REDIC1: variants seen among roughly 807,000 people sequenced by gnomAD.
The protein encoded by REDIC1 is regulator of DNA class I crossover intermediates 1.
chr12:39,792,691 T>G, the REDIC1 span, among the ~76,000 whole-genome samples: 1 of 152,094 alleles, frequency 6.6e-6, no homozygotes, highest in African/African-American at 2.4e-5. Context: ...AAAAGTCAGA[T>G]ATAGATACCA....
At chr12:39,731,983 C>T in the REDIC1 span, among the ~76,000 whole-genome samples, 31 of 152,214 alleles carry the variant, frequency 2.0e-4, no homozygotes, top group African/African-American at 7.5e-4. Context: ...TGCCAGCTAC[C>T]TGAGAAGCCC....
the REDIC1 span, chr12:39,721,736 TAC>T: frequency 6.6e-6 from 1 of 152,432 alleles, no homozygotes; most frequent in Non-Finnish European, 1.5e-5. Context: ...TCTTTAATAT[TAC>T]AGTCCTATTT....
chr12:39,626,867 G>A, the REDIC1 span, among the ~76,000 whole-genome samples: 53 of 152,280 alleles, frequency 3.5e-4, no homozygotes, highest in Non-Finnish European at 2.9e-4. Flanking sequence ...AAAGTGAACC[G>A]TTTTTACTTG....
At chr12:39,752,193 G>T in the REDIC1 span, among the ~76,000 whole-genome samples, 2 of 152,286 alleles carry the variant, frequency 1.3e-5, no homozygotes, top group Admixed American at 1.3e-4. Context: ...ACGCATATTG[G>T]TTTGTGGCCT....
the REDIC1 span, among the ~76,000 whole-genome samples, chr12:39,664,248 CT>C: frequency 7.0e-6 from 1 of 142,286 alleles, no homozygotes; most frequent in African/African-American, 2.6e-5. Context: ...ACAACAGGCC[CT>C]GGTGTGTGAT....
chr12:39,741,100 G>T, the REDIC1 span, among the ~76,000 whole-genome samples: 5 of 152,082 alleles, frequency 3.3e-5, no homozygotes, highest in Non-Finnish European at 7.3e-5. Flanking sequence ...CCCAGTAGCT[G>T]GGATTACTGG....
At chr12:39,676,648 T>C in the REDIC1 span, among the ~76,000 whole-genome samples, 2 of 152,060 alleles carry the variant, frequency 1.3e-5, no homozygotes, top group Non-Finnish European at 2.9e-5. Context: ...CCTAGGTAAA[T>C]AGTTATCAAG....
the REDIC1 span, among the ~76,000 whole-genome samples, chr12:39,653,859 T>C: frequency 6.6e-6 from 1 of 152,060 alleles, no homozygotes; most frequent in African/African-American, 2.4e-5. Flanking sequence ...TTCTAGAGCA[T>C]TGAGACTTTT....
chr12:39,695,696 G>T, the REDIC1 span, among the ~76,000 whole-genome samples: 4 of 152,168 alleles, frequency 2.6e-5, no homozygotes, highest in Non-Finnish European at 4.4e-5. Flanking sequence ...TGAAGGGAAG[G>T]ACACAGGCCT....
At chr12:39,764,686 C>T in the REDIC1 span, 3 of 1,591,584 alleles carry the variant, frequency 1.9e-6, no homozygotes, top group African/African-American at 4.1e-5. Flanking sequence ...TTATCTACTC[C>T]AAAAAGAGGC....
chr12:39,866,336 G>C, the REDIC1 span, among the ~76,000 whole-genome samples: 10 of 152,300 alleles, frequency 6.6e-5, no homozygotes, highest in East Asian at 1.9e-3. Context: ...GTAGTTTTTA[G>C]CTAGCTTTGC....
chr12:39,709,010 AT>A, the REDIC1 span, among the ~76,000 whole-genome samples: 2 of 151,820 alleles, frequency 1.3e-5, no homozygotes, highest in Non-Finnish European at 2.9e-5. Flanking sequence ...ATGTCCTTTC[AT>A]TAGTTCAGTC....
At chr12:39,890,625 GTTTTC>G in the REDIC1 span, among the ~76,000 whole-genome samples, 74 of 151,944 alleles carry the variant, frequency 4.9e-4, 1 homozygote, top group Admixed American at 4.4e-3. Context: ...CATTTTTAAG[GTTTTC>G]TTTTATTTTT....
chr12:39,720,131 A>G, the REDIC1 span, among the ~76,000 whole-genome samples: 1 of 151,968 alleles, frequency 6.6e-6, no homozygotes, highest in African/African-American at 2.4e-5. Context: ...TAGACCTATT[A>G]AAAAGTTCTT....
At chr12:39,659,081 T>C in the REDIC1 span, among the ~76,000 whole-genome samples, 1 of 152,004 alleles carries the variant, frequency 6.6e-6, no homozygotes, top group Non-Finnish European at 1.5e-5. Context: ...GTAGATCTGC[T>C]GGTGATTAAT....
the REDIC1 span, chr12:39,830,387 G>C: frequency 7.2e-7 from 1 of 1,387,450 alleles, no homozygotes; most frequent in Non-Finnish European, 9.3e-7. Context: ...CGCTGAGCCA[G>C]GTGAGAGCTG....
the REDIC1 span, chr12:39,830,260 G>T: frequency 6.2e-7 from 1 of 1,603,778 alleles, no homozygotes; most frequent in Non-Finnish European, 8.5e-7. Flanking sequence ...CGTCATGTTG[G>T]CAGAGACAAC....
the REDIC1 span, chr12:39,646,835 A>G: frequency 1.7e-5 from 27 of 1,575,800 alleles, no homozygotes; most frequent in Admixed American, 2.6e-4. Flanking sequence ...TTTTCTTTTC[A>G]TTAGTGTAAA....
the REDIC1 span, among the ~76,000 whole-genome samples, chr12:39,804,190 T>G: frequency 6.6e-6 from 1 of 152,022 alleles, no homozygotes; most frequent in Admixed American, 6.5e-5. Flanking sequence ...ACAGTTGAAA[T>G]ATTTGTGAAG....
Sources: gnomAD v4.1 joint callset for allele counts (sites outside exome capture counted in the v4.1 genomes callset) on GRCh38, gnomAD v4.1.1 for gene constraint, MANE v1.5 for transcripts, NCBI Gene and HGNC (gene_info 2026-07-23, HGNC 2026-07-21) for gene names.